DLG2: variants seen among roughly 807,000 people sequenced by gnomAD.
DLG2 encodes the protein discs large MAGUK scaffold protein 2.
A neutral mutation model predicts 132.5 loss-of-function variants in DLG2; 45 were observed. The observed-to-expected ratio is 0.34, with a 90% CI of 0.27 to 0.44. DLG2 has a LOEUF of 0.44. Among genes scored for constraint, DLG2 ranks in the 20% least tolerant of loss-of-function variants. The probability of loss-of-function intolerance (pLI) is 1.00; values close to 1 mark genes in which losing one functional copy is unlikely to be tolerated. For missense variants in DLG2, 1,045 were observed against 1,196.9 expected, an observed-to-expected ratio of 0.87 and a Z score of 1.87; for synonymous variants, 424 against 419.6, an observed-to-expected ratio of 1.01 and a Z score of -0.13.
At chr11:84,733,506 TG>T (rs1412869741) in intron 6 of DLG2, among the ~76,000 whole-genome samples, 2 of 152,178 alleles carry the variant, frequency 1.3e-5, no homozygotes, top group Non-Finnish European at 2.9e-5. Flanking sequence ...CTTGTAAATT[TG>T]TTTCATTTCT....
chr11:84,335,333 T>C (rs771351579), intron 7 of DLG2, among the ~76,000 whole-genome samples: 14 of 152,096 alleles, frequency 9.2e-5, no homozygotes, highest in Non-Finnish European at 1.8e-4. Context: ...CAAAGAAGTT[T>C]ATACCATTGC....
intron 3 of DLG2, among the ~76,000 whole-genome samples, chr11:85,492,629 G>C (rs929342293): frequency 6.6e-6 from 1 of 152,046 alleles, no homozygotes; most frequent in African/African-American, 2.4e-5. Context: ...ATAAAATTAA[G>C]TGTCTGCTTC....
At chr11:83,497,349 C>T (rs1421445771) in intron 21 of DLG2, among the ~76,000 whole-genome samples, 3 of 152,192 alleles carry the variant, frequency 2.0e-5, no homozygotes, top group Non-Finnish European at 4.4e-5. Context: ...TCGACACCAG[C>T]CTGATCAATA....
intron 18 of DLG2, among the ~76,000 whole-genome samples, chr11:83,712,852 T>C (rs979587915): frequency 2.6e-5 from 4 of 152,080 alleles, no homozygotes; most frequent in Non-Finnish European, 4.4e-5. Context: ...GAATAGCTAA[T>C]GGATGCTAGG....
intron 13 of DLG2, among the ~76,000 whole-genome samples, chr11:83,963,302 A>G (rs1444612661): frequency 3.3e-5 from 5 of 152,008 alleles, no homozygotes; most frequent in African/African-American, 1.2e-4. Flanking sequence ...CAGCACACAT[A>G]TTTTCAGAAC....
intron 6 of DLG2, among the ~76,000 whole-genome samples, chr11:84,651,718 G>A (rs891060669): frequency 1.1e-4 from 17 of 152,298 alleles, no homozygotes; most frequent in African/African-American, 4.1e-4. Context: ...TGGGAAAAGG[G>A]ATTTTTGTGA....
At chr11:85,510,314 G>T (rs1010595792) in intron 3 of DLG2, among the ~76,000 whole-genome samples, 19 of 151,966 alleles carry the variant, frequency 1.3e-4, no homozygotes, top group Non-Finnish European at 2.6e-4. Flanking sequence ...GCATGGGCAA[G>T]GACTTCATGT....
At chr11:83,882,139 C>A (rs1259807345) in intron 15 of DLG2, among the ~76,000 whole-genome samples, 2 of 152,020 alleles carry the variant, frequency 1.3e-5, no homozygotes, top group African/African-American at 4.8e-5. Flanking sequence ...AGGTTTCTGG[C>A]CTTACAAGTC....
chr11:84,282,280 CTT>C (rs1232912722), intron 7 of DLG2, among the ~76,000 whole-genome samples: 7 of 151,988 alleles, frequency 4.6e-5, no homozygotes, highest in Non-Finnish European at 7.4e-5. Context: ...TATGATCTCA[CTT>C]ATATAAAATT....
intron 4 of DLG2, among the ~76,000 whole-genome samples, chr11:85,256,167 C>T (rs1353216205): frequency 6.6e-6 from 1 of 151,986 alleles, no homozygotes; most frequent in Non-Finnish European, 1.5e-5. Context: ...CCCATATAAA[C>T]CCCAAACCCC....
intron 3 of DLG2, among the ~76,000 whole-genome samples, chr11:85,432,213 G>A (rs922325033): frequency 1.3e-5 from 2 of 152,200 alleles, no homozygotes; most frequent in Non-Finnish European, 2.9e-5. Context: ...TTATGAAGAT[G>A]AGAAAGAATC....
chr11:83,497,367 A>C (rs1035140142), intron 21 of DLG2, among the ~76,000 whole-genome samples: 1 of 151,880 alleles, frequency 6.6e-6, no homozygotes, highest in African/African-American at 2.4e-5. Context: ...ATATGGCAAA[A>C]CCCCGAAAAA....
chr11:85,241,756 T>A (rs2152678044), intron 4 of DLG2, among the ~76,000 whole-genome samples: 1 of 152,104 alleles, frequency 6.6e-6, no homozygotes, highest in East Asian at 1.9e-4. Flanking sequence ...ATCCCACATA[T>A]GTCTATAAAT....
At chr11:84,243,691 C>G (rs1399637118) in intron 8 of DLG2, among the ~76,000 whole-genome samples, 1 of 152,170 alleles carries the variant, frequency 6.6e-6, no homozygotes, top group East Asian at 1.9e-4. Flanking sequence ...ATGGGTCACA[C>G]TCTGAGCAGC....
intron 18 of DLG2, among the ~76,000 whole-genome samples, chr11:83,747,306 TCCTTCCTTCCTTCCTTCCTTCCTG>T (rs1302403826): frequency 2.6e-4 from 38 of 148,980 alleles, no homozygotes; most frequent in South Asian, 4.3e-4. Context: ...CTTCCTTCCT[TCCTTCCTTCCTTCCTTCCTTCCTG>T]CCTTCCTTCC....
chr11:84,487,976 G>T (rs1212789251), intron 7 of DLG2, among the ~76,000 whole-genome samples: 2 of 152,090 alleles, frequency 1.3e-5, no homozygotes, highest in African/African-American at 4.8e-5. Flanking sequence ...ATCAGAGGTA[G>T]AATTGGATCA....
intron 17 of DLG2, among the ~76,000 whole-genome samples, chr11:83,805,975 C>T (rs1477198525): frequency 6.6e-6 from 1 of 152,100 alleles, no homozygotes; most frequent in Non-Finnish European, 1.5e-5. Context: ...ACATTACACG[C>T]CTCCTCTCCT....
At chr11:85,518,943 G>A (rs971341926) in intron 3 of DLG2, among the ~76,000 whole-genome samples, 1 of 152,184 alleles carries the variant, frequency 6.6e-6, no homozygotes, top group African/African-American at 2.4e-5. Context: ...TCCACGTGGT[G>A]TTGAGCCTGT....
At chr11:85,465,557 T>C (rs1307374127) in intron 3 of DLG2, among the ~76,000 whole-genome samples, 1 of 152,096 alleles carries the variant, frequency 6.6e-6, no homozygotes, top group African/African-American at 2.4e-5. Context: ...CATGTGGTAT[T>C]TGGTTTTTTG....
Sources: gnomAD v4.1 joint callset for allele counts (sites outside exome capture counted in the v4.1 genomes callset) on GRCh38, gnomAD v4.1.1 for gene constraint, MANE v1.5 for transcripts, NCBI Gene and HGNC (gene_info 2026-07-23, HGNC 2026-07-21) for gene names.